Variants in HIBCH observed in about 807,000 individuals in gnomAD.
HIBCH encodes 3-hydroxyisobutyryl-CoA hydrolase.
In HIBCH, 50 loss-of-function variants were observed where a neutral mutation model predicts 58.2. The ratio of observed to expected loss-of-function variants is 0.86; its 90% confidence interval spans 0.68 to 1.09. HIBCH has a LOEUF of 1.09. Ranked by LOEUF, HIBCH falls within the 50% of genes least tolerant of loss-of-function variation. The probability of loss-of-function intolerance (pLI) is 0.00; values close to 1 mark genes in which losing one functional copy is unlikely to be tolerated. For missense variants in HIBCH, 450 were observed against 449.7 expected, an observed-to-expected ratio of 1.00 and a Z score of -0.01; for synonymous variants, 151 against 146.9, an observed-to-expected ratio of 1.03 and a Z score of -0.20.
intron 1 of HIBCH, among the ~76,000 whole-genome samples, chr2:190,318,359 A>G (rs1361154506): frequency 6.6e-6 from 1 of 152,172 alleles, no homozygotes; most frequent in East Asian, 1.9e-4. Flanking sequence ...GGGAGGCCAG[A>G]GTTCAAGTGG....
intron 6 of HIBCH, among the ~76,000 whole-genome samples, chr2:190,262,144 G>A (rs1371000937): frequency 2.4e-4 from 32 of 135,284 alleles, no homozygotes; most frequent in Admixed American, 6.3e-4. Context: ...GTAAAAGCTG[G>A]TTTTATATGC....
intron 13 of HIBCH, 72 bp downstream of exon 13, chr2:190,208,808 T>C (rs1690454056): frequency 2.2e-6 from 3 of 1,339,720 alleles, no homozygotes; most frequent in Non-Finnish European, 3.2e-6. Flanking sequence ...ATAATCTGTA[T>C]CTTCTTTAAT....
At chr2:190,277,268 A>G (rs1369370302) in intron 6 of HIBCH, among the ~76,000 whole-genome samples, 1 of 152,206 alleles carries the variant, frequency 6.6e-6, no homozygotes, top group East Asian at 1.9e-4. Context: ...TACTGAGTAA[A>G]TGTTTGAATT....
chr2:190,296,630 T>A (rs1042175089), intron 3 of HIBCH, among the ~76,000 whole-genome samples, 183 bp downstream of exon 3: 2 of 152,160 alleles, frequency 1.3e-5, no homozygotes, highest in Non-Finnish European at 2.9e-5. Flanking sequence ...GTAAGCTCCC[T>A]ATCACCAGGG....
At chr2:190,199,572 C>T (rs1012745424), downstream of HIBCH, 2 of 380,732 alleles carry the variant, frequency 5.3e-6, no homozygotes, top group African/African-American at 2.0e-5. Context: ...TAAGATAAAG[C>T]TGTTTGTTTT....
intron 7 of HIBCH, among the ~76,000 whole-genome samples, chr2:190,256,096 C>T (rs1686914638): frequency 6.6e-6 from 1 of 152,112 alleles, no homozygotes; most frequent in African/African-American, 2.4e-5. Context: ...TAAGAACTCA[C>T]TATCATGAGA....
intron 8 of HIBCH, chr2:190,250,315 G>A (rs1205002652): frequency 6.6e-6 from 3 of 452,564 alleles, no homozygotes; most frequent in African/African-American, 2.0e-5. Context: ...CTTTCTTACA[G>A]GTAAGCTCTT....
intron 11 of HIBCH, among the ~76,000 whole-genome samples, chr2:190,226,451 C>T (rs146003777): frequency 0.014 from 2,135 of 151,626 alleles, 27 homozygotes; most frequent in South Asian, 0.029. Flanking sequence ...CAAAATTAGC[C>T]GGGCATGGTG....
At position 190,261,171 on chromosome 2, in the gene HIBCH, G is replaced by A. The variant is rs1326350704; in HGVS notation, c.502C>T (p.Pro168Ser). ...VATEKCLFAM[P>S]ETAIGLFPDV... ...GGTTGTTTACCTATTGCAGTTTCTG[G>A]CATAGCAAAAAGACACTTTTCTGTA... The change falls in exon 7 of 14, where the codon CCA becomes TCA. Residue 168 changes from proline (P) to serine (S), a missense_variant. Coordinates refer to ENST00000359678, the MANE Select transcript of HIBCH (RefSeq NM_014362.4). 1 of 1,611,604 alleles carries A rather than the reference G, an allele frequency of 6.2e-7. No individual in the cohort carries two copies. The highest frequency in any genetic ancestry group is 1.7e-5 in the Admixed American group (1 of 59,920).
intron 6 of HIBCH, among the ~76,000 whole-genome samples, chr2:190,286,335 C>G (rs1483128135): frequency 1.3e-5 from 2 of 152,178 alleles, no homozygotes; most frequent in Admixed American, 6.5e-5. Flanking sequence ...AACTTACACA[C>G]AAAAACAGTT....
At position 190,243,075 on chromosome 2, in the gene HIBCH, A is replaced by G. The variant is rs997797445; in HGVS notation, c.891+1812T>C. On this transcript the variant is annotated intron_variant, in intron 11 of 13. Transcript: ENST00000359678. The surrounding 1 kb of genome is among the most constrained non-coding windows in gnomAD (Gnocchi z 4.1). ...TGTCAACTTGACTGGACTGAAGGAT[A>G]CAAAGTATTGATCCTGGATGTGTCT... 2.6e-5 allele frequency among the ~76,000 whole-genome samples: 4 copies of G among 152,202 alleles called. No homozygotes were observed. Among genetic ancestry groups the G allele is most frequent in the Non-Finnish European group, 5.9e-5 (4 of 68,024 alleles).
At chr2:190,300,021 G>A (rs1688219931) in intron 2 of HIBCH, among the ~76,000 whole-genome samples, 1 of 152,168 alleles carries the variant, frequency 6.6e-6, no homozygotes, top group Non-Finnish European at 1.5e-5. Context: ...TGGCTGTATA[G>A]TATTCTATGG....
intron 7 of HIBCH, among the ~76,000 whole-genome samples, chr2:190,257,612 G>C (rs191371319): frequency 1.3e-5 from 2 of 152,248 alleles, no homozygotes; most frequent in East Asian, 3.9e-4. Flanking sequence ...TATTGTCTTA[G>C]TCCATTTTGT....
At chr2:190,266,338 T>A (rs964050881) in intron 6 of HIBCH, among the ~76,000 whole-genome samples, 10 of 152,242 alleles carry the variant, frequency 6.6e-5, no homozygotes, top group Non-Finnish European at 1.0e-4. Flanking sequence ...CTCTGTTTTA[T>A]CTGTTATTGA....
At chr2:190,276,517 T>TCA (rs1247981466) in intron 6 of HIBCH, among the ~76,000 whole-genome samples, 3 of 152,178 alleles carry the variant, frequency 2.0e-5, no homozygotes, top group African/African-American at 4.8e-5. Context: ...CATGAATGGC[T>TCA]TGGTACATCC....
downstream of HIBCH, chr2:190,202,136 C>T (rs1297712044): frequency 6.0e-6 from 1 of 166,924 alleles, no homozygotes; most frequent in Non-Finnish European, 1.5e-5. Flanking sequence ...CACTATTTCC[C>T]AGGGGTGTGA....
At chr2:190,205,767 G>A (rs933317062) in intron 13 of HIBCH, among the ~76,000 whole-genome samples, 1 of 152,114 alleles carries the variant, frequency 6.6e-6, no homozygotes, top group Non-Finnish European at 1.5e-5. Flanking sequence ...AAAAAAATCA[G>A]GTTATCATGA....
intron 9 of HIBCH, among the ~76,000 whole-genome samples, chr2:190,248,437 C>T (rs1374846394): frequency 6.6e-6 from 1 of 152,124 alleles, no homozygotes; most frequent in African/African-American, 2.4e-5. Context: ...TAGTATATCT[C>T]ACCTCTCATC....
chr2:190,191,428 C>T (rs752580817), intron 1 of HIBCH, among the ~76,000 whole-genome samples: 8 of 152,142 alleles, frequency 5.3e-5, no homozygotes, highest in South Asian at 4.1e-4. Context: ...TACAGGCATG[C>T]GCCACCGTCC....
Sources: gnomAD v4.1 joint callset for allele counts (sites outside exome capture counted in the v4.1 genomes callset) on GRCh38, gnomAD v4.1.1 for gene constraint, Gnocchi (gnomAD v3.1) non-coding constraint, MANE v1.5 for transcripts, NCBI Gene and HGNC (gene_info 2026-07-23, HGNC 2026-07-21) for gene names.